Variants in CFHR1 observed in about 807,000 individuals in gnomAD.
CFHR1 encodes complement factor H related 1.
In CFHR1, 22 loss-of-function variants were observed where a neutral mutation model predicts 30.4. The observed-to-expected ratio is 0.72, with a 90% CI of 0.52 to 1.03. The LOEUF (loss-of-function observed/expected upper bound fraction) is 1.03, where lower values mean the gene tolerates loss of function less well. Among genes scored for constraint, CFHR1 ranks in the 50% least tolerant of loss-of-function variants. The pLI is 0.00. For synonymous variants in CFHR1, 95 were observed against 129.1 expected (o/e 0.74, Z 1.79); for missense variants, 248 against 380.6 (o/e 0.65, Z 2.90).
In CFHR1 at chr1:196,832,125, G is replaced by T. The variant is rs1305924979; in HGVS notation, c.*126G>T. ...AAATTTTGGATTAATTTGTGAAAAT[G>T]TAATTATAAGCTGAGACCGGTGGCT... On this transcript the variant is annotated 3_prime_UTR_variant, in exon 6 of 6. Transcript: ENST00000320493. 2.4e-5 allele frequency: 22 copies of T among 925,780 alleles called. 2 individuals carry two copies. Among genetic ancestry groups the T allele is most frequent in the African/African-American group, 4.3e-5 (2 of 45,988 alleles). The allele number at this position is 925,780 out of a possible 1,614,324, so 57.3% of individuals were successfully genotyped here. A position where few individuals can be genotyped will look rare whatever the true frequency, so the allele number is the denominator to read the frequency against.
chr1:196,823,111 G>A (rs1227597205), intron 1 of CFHR1, among the ~76,000 whole-genome samples: 1 of 128,936 alleles, frequency 7.8e-6, no homozygotes, highest in Non-Finnish European at 1.6e-5. Flanking sequence ...ATGTGTGTGT[G>A]TGTGTGTGTG....
In CFHR1 at chr1:196,825,728, G is replaced by T. The variant is rs1194906234; in HGVS notation, c.253+57G>T. ...TCATTCAGTGAATAGAGAAGGATAT[G>T]CCAGACAAGATCATAAGGTCTTGAT... On this transcript the variant is annotated intron_variant, in intron 2 of 5. Transcript: ENST00000320493. 2.1e-5 allele frequency: 30 copies of T among 1,424,106 alleles called. 4 individuals carry two copies. The highest frequency in any genetic ancestry group is 2.9e-5 in the Non-Finnish European group (30 of 1,043,036). 88.2% of individuals were successfully genotyped at this position (1,424,106 alleles called of 1,614,324 possible). A position where few individuals can be genotyped will look rare whatever the true frequency, so the allele number is the denominator to read the frequency against.
intron 1 of CFHR1, among the ~76,000 whole-genome samples, chr1:196,823,485 C>T (rs1655203469): frequency 7.4e-6 from 1 of 134,780 alleles, no homozygotes. Flanking sequence ...TCCCTCAACA[C>T]CTTTACCAAA....
At position 196,831,896 on chromosome 1, in the gene CFHR1, A is replaced by C. The variant is rs1357057412; in HGVS notation, c.890A>C (p.Glu297Ala). The part of the protein sequence containing the change: ...KLYLRTGESA[E>A]FVCKRGYRLS... ...TATTTGAGAACAGGTGAATCAGCTG[A>C]ATTTGTGTGTAAACGGGGATATCGT... The change falls in exon 6 of 6, where the codon GAA becomes GCA. Residue 297 changes from glutamate (E) to alanine (A), a missense_variant. Physicochemically the swap from Glu to Ala is moderately radical, Grantham distance 107 (BLOSUM62 -1). Transcript: ENST00000320493. The C allele has an allele frequency of 1.3e-6, 2 of 1,525,688 alleles. 1 individual carries two copies. The allele number at this position is 1,525,688 out of a possible 1,614,324, so 94.5% of individuals were successfully genotyped here.
In CFHR1 at chr1:196,830,428, T is replaced by C. The variant is rs1438609635; in HGVS notation, c.608-72T>C. On this transcript the variant is annotated intron_variant, in intron 4 of 5. Transcript: ENST00000320493. ...GATATTATATAAAGTGCTGTGTTTG[T>C]ATTTGCCTTATTTGAACTTGTATTT... is the stretch of plus-strand genomic sequence containing the variant. 57 of 1,426,210 alleles carry C rather than the reference T, an allele frequency of 4.0e-5. 10 individuals carry two copies. Among genetic ancestry groups the C allele is most frequent in the East Asian group, 6.8e-5 (3 of 44,350 alleles). 88.3% of individuals were successfully genotyped at this position (1,426,210 alleles called of 1,614,324 possible).
rs1462567899 is a variant in CFHR1 at position 196,827,061 on chromosome 1, A to G, written c.430+56A>G. The G allele has an allele frequency of 3.5e-6, 5 of 1,446,440 alleles. 1 individual carries two copies. The Admixed American group carries it at 5.2e-5, about 15-fold the overall frequency. 89.6% of individuals were successfully genotyped at this position (1,446,440 alleles called of 1,614,324 possible). On this transcript the variant is annotated intron_variant, in intron 3 of 5. Transcript: ENST00000320493. ...TTATCTATTATAAAGTTTGAGAGAAATAAATCTTTTTTACAGGTTAAATAT... is the reference window on the plus strand; with the variant it reads ...TTATCTATTATAAAGTTTGAGAGAAGTAAATCTTTTTTACAGGTTAAATAT...
At position 196,824,276 on chromosome 1, in the gene CFHR1, G is replaced by A. The variant is rs531572790; in HGVS notation, c.59-1201G>A. On this transcript the variant is annotated intron_variant, in intron 1 of 5. Coordinates refer to ENST00000320493, the MANE Select transcript of CFHR1 (RefSeq NM_002113.3). ...TTTATTTTATTTTAATTTTTTTTGAGGTGGAGTCTTGCTCTGTCGCCCCCA... is the reference window on the plus strand; with the variant it reads ...TTTATTTTATTTTAATTTTTTTTGAAGTGGAGTCTTGCTCTGTCGCCCCCA... 4.6e-4 allele frequency among the ~76,000 whole-genome samples: 60 copies of A among 129,828 alleles called. 13 individuals carry two copies. The highest frequency in any genetic ancestry group is 3.2e-3 in the South Asian group (12 of 3,742). 85.2% of individuals were successfully genotyped at this position (129,828 alleles called of 152,430 possible).
intron 3 of CFHR1, among the ~76,000 whole-genome samples, chr1:196,827,286 G>A (rs1655366254): frequency 7.5e-6 from 1 of 134,170 alleles, no homozygotes; most frequent in Non-Finnish European, 1.6e-5. Flanking sequence ...CTAGACACAC[G>A]GAATCAAAAA....
At chr1:196,829,112 A>G (rs560964226) in intron 4 of CFHR1, among the ~76,000 whole-genome samples, 1 of 134,548 alleles carries the variant, frequency 7.4e-6, no homozygotes, top group South Asian at 2.6e-4. Context: ...ATCTCTTTGC[A>G]TAGCTTTTCT....
intron 2 of CFHR1, among the ~76,000 whole-genome samples, chr1:196,826,296 G>T (rs1313204764): frequency 2.2e-5 from 3 of 134,494 alleles, no homozygotes; most frequent in African/African-American, 9.6e-5. Flanking sequence ...TCCCTAAAAG[G>T]TTGACAAACA....
At position 196,823,240 on chromosome 1, in the gene CFHR1, A is replaced by T. The variant is rs1271896548; in HGVS notation, c.59-2237A>T. Among the ~76,000 whole-genome samples the T allele has an allele frequency of 3.0e-5, 4 of 134,898 alleles. 2 individuals carry two copies. The highest frequency in any genetic ancestry group is 1.4e-4 in the Admixed American group (2 of 13,954). 88.5% of individuals were successfully genotyped at this position (134,898 alleles called of 152,430 possible). A position where few individuals can be genotyped will look rare whatever the true frequency, so the allele number is the denominator to read the frequency against. ...TTGTGTAAAGGAGGCTTGCAAGAAG[A>T]CATTAACACTCCTAGCTAGCACCAT... On this transcript the variant is annotated intron_variant, in intron 1 of 5. Coordinates refer to ENST00000320493, the MANE Select transcript of CFHR1 (RefSeq NM_002113.3).
chr1:196,822,795 T>C (rs1302842352), intron 1 of CFHR1, among the ~76,000 whole-genome samples: 1 of 134,900 alleles, frequency 7.4e-6, no homozygotes, highest in East Asian at 2.0e-4. Context: ...TAATAACAAT[T>C]ATACTATATG....
chr1:196,823,511 A>G (rs1412408337), intron 1 of CFHR1, among the ~76,000 whole-genome samples: 1 of 135,224 alleles, frequency 7.4e-6, no homozygotes, highest in Non-Finnish European at 1.6e-5. Flanking sequence ...CTAATGTCAA[A>G]TTTTAAACAG....
At chr1:196,825,283 A>G (rs1655278388) in intron 1 of CFHR1, 194 bp from the exon 2 acceptor site, 4 of 433,198 alleles carry the variant, frequency 9.2e-6, no homozygotes, top group Non-Finnish European at 1.6e-5. Flanking sequence ...ATTAACAATT[A>G]CCTCCTCAAA....
intron 2 of CFHR1, among the ~76,000 whole-genome samples, chr1:196,826,598 G>A (rs1228259691): frequency 1.5e-5 from 2 of 132,486 alleles, no homozygotes; most frequent in East Asian, 2.0e-4. Context: ...TTATAAGTGC[G>A]CACCACTATG....
At chr1:196,826,170 G>GAA in intron 2 of CFHR1, 1 of 137,014 alleles carries the variant, frequency 7.3e-6, no homozygotes, top group Non-Finnish European at 1.5e-5. Flanking sequence ...TGTATTAAAA[G>GAA]AAAAAAAAAT....
chr1:196,827,693 CTATT>C (rs1423677644), intron 3 of CFHR1, among the ~76,000 whole-genome samples: 2 of 133,330 alleles, frequency 1.5e-5, no homozygotes, highest in Middle Eastern at 8.0e-3. Context: ...ATCACATAAT[CTATT>C]TATGCTGACT....
intron 1 of CFHR1, chr1:196,825,245 A>G: frequency 2.7e-6 from 1 of 365,424 alleles, no homozygotes; most frequent in Non-Finnish European, 4.9e-6. Flanking sequence ...CATATTTCAT[A>G]TCACTCCAAA....
chr1:196,820,516 G>T (rs1357222686), intron 1 of CFHR1, among the ~76,000 whole-genome samples: 1 of 117,744 alleles, frequency 8.5e-6, no homozygotes, highest in Non-Finnish European at 1.7e-5. Flanking sequence ...TGCTTCTTAT[G>T]ATATTTTATA....
Sources: allele counts gnomAD v4.1 joint callset (sites outside exome capture counted in the v4.1 genomes callset), GRCh38; gene constraint gnomAD v4.1.1; transcripts MANE v1.5; gene names NCBI Gene and HGNC (gene_info 2026-07-23, HGNC 2026-07-21).